The following CRADD variants were observed in gnomAD, a reference collection of about 807,000 sequenced individuals.
CRADD encodes death domain-containing protein CRADD.
CRADD carries 9 observed loss-of-function variants against 15.5 expected under a neutral mutation model. That is an observed-to-expected ratio of 0.58 (90% confidence interval 0.35 to 1.01). The LOEUF (loss-of-function observed/expected upper bound fraction) is 1.01, where lower values mean the gene tolerates loss of function less well. Among genes scored for constraint, CRADD ranks in the 50% least tolerant of loss-of-function variants. CRADD has a pLI of 0.02. For synonymous variants in CRADD, 118 were observed against 107.6 expected, an observed-to-expected ratio of 1.10 and a Z score of -0.60; for missense variants, 227 against 250.3, an observed-to-expected ratio of 0.91 and a Z score of 0.63.
intron 2 of CRADD, among the ~76,000 whole-genome samples, chr12:93,838,220 T>G (rs977761610): frequency 2.7e-5 from 4 of 150,752 alleles, no homozygotes; most frequent in African/African-American, 7.3e-5. Flanking sequence ...TGAGGTTTTT[T>G]TTTTTTTTTT....
chr12:93,785,672 A>G (rs1957269837), intron 2 of CRADD, among the ~76,000 whole-genome samples: 1 of 152,214 alleles, frequency 6.6e-6, no homozygotes, highest in Admixed American at 6.5e-5. Flanking sequence ...TTCATCAGAA[A>G]TGCAAGCTCA....
downstream of CRADD, chr12:93,850,838 T>TC (rs1207833888): frequency 1.5e-6 from 1 of 668,926 alleles, no homozygotes; most frequent in Non-Finnish European, 1.8e-6. The surrounding 1 kb of genome is among the most constrained non-coding windows in gnomAD (Gnocchi z 4.0). Context: ...GTCTTTTTTT[T>TC]CTTTTTGGAA....
At chr12:93,680,119 C>T (rs1463426755) in intron 2 of CRADD, among the ~76,000 whole-genome samples, 1 of 152,048 alleles carries the variant, frequency 6.6e-6, no homozygotes. Flanking sequence ...TATGGAAACA[C>T]TTGCTTTTTC....
At chr12:93,782,345 G>A (rs1352192573) in intron 2 of CRADD, among the ~76,000 whole-genome samples, 1 of 149,538 alleles carries the variant, frequency 6.7e-6, no homozygotes, top group Non-Finnish European at 1.5e-5. Context: ...ACTGTTGTGG[G>A]GTTGGGGGAG....
At chr12:93,781,193 G>A (rs1467885273) in intron 2 of CRADD, among the ~76,000 whole-genome samples, 1 of 151,964 alleles carries the variant, frequency 6.6e-6, no homozygotes, top group African/African-American at 2.4e-5. Flanking sequence ...GACAGTTTGA[G>A]CATCAAAAGG....
At chr12:93,684,836 C>A (rs539075269) in intron 2 of CRADD, among the ~76,000 whole-genome samples, 2 of 152,282 alleles carry the variant, frequency 1.3e-5, no homozygotes, top group Admixed American at 1.3e-4. Context: ...CACAGGAAGT[C>A]AAGTGGGAGC....
At chr12:93,894,245 GTC>G in exon 3 of CRADD, 1 of 559,266 alleles carries the variant, frequency 1.8e-6, no homozygotes, top group Non-Finnish European at 3.3e-6. Flanking sequence ...GTTTTTGGTT[GTC>G]ACAATTCTGT....
intron 2 of CRADD, chr12:93,738,704 C>G: frequency 2.4e-6 from 1 of 409,100 alleles, no homozygotes; most frequent in East Asian, 3.9e-5. Flanking sequence ...TAATGGAAAT[C>G]TTAACTTCAT....
intron 2 of CRADD, among the ~76,000 whole-genome samples, chr12:93,734,751 G>T (rs1956534273): frequency 6.6e-6 from 1 of 152,140 alleles, no homozygotes. Flanking sequence ...CAGAGGTATT[G>T]TGTTCTTTCC....
intron 2 of CRADD, chr12:93,894,005 T>TCA: frequency 1.4e-6 from 1 of 702,376 alleles, no homozygotes; most frequent in South Asian, 1.5e-5. Flanking sequence ...GCTCAGCTGA[T>TCA]CGCCATACTC....
Position 93,739,407 on chromosome 12 carries a change from A to T in CRADD, c.298+60335A>T, listed in dbSNP as rs190400369. 3.1e-3 allele frequency among the ~76,000 whole-genome samples: 464 copies of T among 151,944 alleles called. 3 individuals carry two copies. Among genetic ancestry groups the T allele is most frequent in the African/African-American group, 0.011 (439 of 41,488 alleles). On this transcript the variant is annotated intron_variant, in intron 2 of 2. Coordinates refer to ENST00000332896, the MANE Select transcript of CRADD (RefSeq NM_003805.5). The stretch of plus-strand genomic sequence containing the variant: ...TGTATTATTTAGGTTTTATTAAATT[A>T]TCCTGTTTTTAGGCTATGCTGATGG...
chr12:93,857,375 A>G (rs1403856445), intron 2 of CRADD, among the ~76,000 whole-genome samples: 1 of 152,220 alleles, frequency 6.6e-6, no homozygotes, highest in East Asian at 1.9e-4. Flanking sequence ...GACTTGGCCA[A>G]TATCAAGGTC....
intron 2 of CRADD, among the ~76,000 whole-genome samples, chr12:93,777,148 C>T (rs773831057): frequency 7.9e-5 from 12 of 152,134 alleles, no homozygotes; most frequent in Non-Finnish European, 1.5e-4. Flanking sequence ...GGCAGGAAGA[C>T]AGTGCCATAG....
At position 93,856,700 on chromosome 12, in the gene CRADD, G is replaced by A. The variant is rs370189427; in HGVS notation, c.299-37350G>A. ...CTCAGAGCAATTTAGAAACTAAGTG[G>A]CAAATATCCTATACATCAAGATGAC... On this transcript the variant is annotated intron_variant, in intron 2 of 2. Transcript: ENST00000548483. 3.3e-5 allele frequency among the ~76,000 whole-genome samples: 5 copies of A among 152,298 alleles called. No homozygotes were observed. In the South Asian group the frequency reaches 6.2e-4, roughly 19 times the overall value.
chr12:93,709,318 A>G (rs538842873), intron 2 of CRADD, among the ~76,000 whole-genome samples: 1 of 152,004 alleles, frequency 6.6e-6, no homozygotes, highest in Admixed American at 6.5e-5. Flanking sequence ...GTAGGTAAAC[A>G]TGTGTCACAG....
chr12:93,816,640 G>A (rs1381357367), intron 2 of CRADD, among the ~76,000 whole-genome samples: 2 of 152,194 alleles, frequency 1.3e-5, no homozygotes, highest in Admixed American at 6.5e-5. Context: ...CATTTCAAGT[G>A]CTCAGTAGCC....
chr12:93,696,842 A>G (rs1456509213), intron 2 of CRADD, among the ~76,000 whole-genome samples: 1 of 152,222 alleles, frequency 6.6e-6, no homozygotes, highest in East Asian at 1.9e-4. Flanking sequence ...CTTACCTTGT[A>G]TTAGGTATTA....
chr12:93,790,870 G>A (rs1957340912), intron 2 of CRADD: 1 of 150,468 alleles, frequency 6.6e-6, no homozygotes, highest in Non-Finnish European at 1.5e-5. Context: ...AGTGATTATT[G>A]AGTATCTGCA....
At chr12:93,839,711 G>A (rs2137038687) in intron 2 of CRADD, among the ~76,000 whole-genome samples, 1 of 152,270 alleles carries the variant, frequency 6.6e-6, no homozygotes, top group Non-Finnish European at 1.5e-5. Context: ...TCGCTTTTGT[G>A]TTTCCTCTAA....
Sources: gnomAD v4.1 joint callset for allele counts (sites outside exome capture counted in the v4.1 genomes callset) on GRCh38, gnomAD v4.1.1 for gene constraint, Gnocchi (gnomAD v3.1) non-coding constraint, MANE v1.5 for transcripts, NCBI Gene and HGNC (gene_info 2026-07-23, HGNC 2026-07-21) for gene names.